Variants in FBH1 observed in about 807,000 individuals in gnomAD.
The protein encoded by FBH1 is F-box DNA helicase 1, also known as DNA 3'-5' helicase 1.
Under a neutral mutation model 115.5 loss-of-function variants are expected in FBH1, and 43 were observed. The observed-to-expected ratio is 0.37, with a 90% CI of 0.29 to 0.48. The LOEUF is 0.48. Ranked by LOEUF, FBH1 falls within the 20% of genes least tolerant of loss-of-function variation. The pLI, the probability that FBH1 is intolerant of heterozygous loss-of-function variation, is 0.99. For missense variants in FBH1, 1,001 were observed against 1,337.3 expected (o/e 0.75, Z 3.92); for synonymous variants, 524 against 507.8 (o/e 1.03, Z -0.43).
rs1832027564 is a variant in FBH1, at chr10:5,917,323, C to T, written c.1789-97C>T. On this transcript the variant is annotated intron_variant, in intron 10 of 20. Transcript: ENST00000362091. The surrounding 1 kb of genome is among the most constrained non-coding windows in gnomAD (Gnocchi z 5.6). ...GCGGTCCCCCTTCTGTGAGGATGCC[C>T]TGGCTCCACTGCTGTATGGGAGTTG... The T allele has an allele frequency of 1.0e-6, 1 of 991,030 alleles. No individual in the cohort carries two copies. The highest frequency in any genetic ancestry group is 1.6e-5 in the African/African-American group (1 of 63,272). The allele number at this position is 991,030 out of a possible 1,614,324, so 61.4% of individuals were successfully genotyped here.
rs1832442833 is a variant in FBH1, at chr10:5,923,658, T to C, written c.2360T>C (p.Ile787Thr). 1.2e-6 allele frequency: 2 copies of C among 1,614,164 alleles called. No homozygotes were observed. The highest frequency in any genetic ancestry group is 2.2e-5 in the East Asian group (1 of 44,882). ...TTTGGATTGGACAGAATCATTGATATTTGGATCCTTCTTCAGCCAGAGGAA... is the reference window on the plus strand; with the variant it reads ...TTTGGATTGGACAGAATCATTGATACTTGGATCCTTCTTCAGCCAGAGGAA... ...KSFGLDRIIDIWILLQPEEER... is the reference protein window; with the variant it reads ...KSFGLDRIIDTWILLQPEEER... Residue 787 changes from isoleucine to threonine, a missense_variant, in exon 16 of 21, where the codon ATT (isoleucine) becomes ACT (threonine). Ile to Thr is a moderately conservative substitution (Grantham distance 89). Transcript: ENST00000362091. This position sits in a 1 kb window ranked among gnomAD's most constrained non-coding sequence, Gnocchi z 5.7.
At chr10:5,903,686 G>T (rs1843514793) in intron 2 of FBH1, among the ~76,000 whole-genome samples, 1 of 152,132 alleles carries the variant, frequency 6.6e-6, no homozygotes, top group African/African-American at 2.4e-5. Flanking sequence ...GTGGACAAGT[G>T]TGATGGAATG....
chr10:5,916,113 A>G, intron 9 of FBH1, 121 bp from the exon 10 acceptor site: 1 of 861,644 alleles, frequency 1.2e-6, no homozygotes, highest in Non-Finnish European at 1.8e-6. Context: ...TAAAACATTA[A>G]CACTCGCCTG....
intron 13 of FBH1, among the ~76,000 whole-genome samples, chr10:5,919,131 G>C (rs1832158388): frequency 6.6e-6 from 1 of 152,160 alleles, no homozygotes. Context: ...CACTCTTCTT[G>C]CTGCATTTTT....
intron 1 of FBH1, chr10:5,890,899 A>T (rs1042669685): frequency 6.6e-6 from 1 of 152,340 alleles, no homozygotes; most frequent in African/African-American, 2.4e-5. Flanking sequence ...TCCTTACCCG[A>T]TCTGATTAGG....
chr10:5,915,935 TGTAG>T lies in FBH1; in HGVS notation c.1566-298_1566-295del, dbSNP rs1007074617. Reference sequence around the variant, plus strand: ...GCACACTTGACCCAGGTCTCCTGGATGTAGAGGCATCAGGGAACTCCAAGGGTCC... The same window carrying T: ...GCACACTTGACCCAGGTCTCCTGGATAGGCATCAGGGAACTCCAAGGGTCC... On this transcript the variant is annotated intron_variant, in intron 9 of 20. Coordinates refer to ENST00000362091, the MANE Select transcript of FBH1 (RefSeq NM_178150.3). The surrounding 1 kb of genome is among the most constrained non-coding windows in gnomAD (Gnocchi z 5.2). 4 of 472,612 alleles carry T rather than the reference TGTAG, an allele frequency of 8.5e-6. No individual in the cohort carries two copies. The highest frequency in any genetic ancestry group is 1.1e-5 in the Non-Finnish European group (3 of 261,566). 29.3% of individuals were successfully genotyped at this position (472,612 alleles called of 1,614,324 possible). A position where few individuals can be genotyped will look rare whatever the true frequency, so the allele number is the denominator to read the frequency against.
Position 5,906,537 on chromosome 10 carries a change from CTGAGGCACG to C in FBH1, c.661_669del (p.Arg221_Val223del). 1 of 1,614,126 alleles carries C rather than the reference CTGAGGCACG, an allele frequency of 6.2e-7. No individual in the cohort carries two copies. The highest frequency in any genetic ancestry group is 8.5e-7 in the Non-Finnish European group (1 of 1,180,028). On this transcript the variant is annotated inframe_deletion, in exon 3 of 21. Transcript: ENST00000362091. The surrounding 1 kb of genome is among the most constrained non-coding windows in gnomAD (Gnocchi z 7.3). ...CATTTGCAGCCTGCCTAGTGAGGTC[CTGAGGCACG>C]TGTTTGCCTTCCTCCCGGTGGAAGA...
chr10:5,915,687 G>A lies in FBH1; in HGVS notation c.1565+116G>A. 4.5e-6 allele frequency: 4 copies of A among 880,648 alleles called. No individual in the cohort carries two copies. Among genetic ancestry groups the A allele is most frequent in the Admixed American group, 2.5e-5 (1 of 40,544 alleles). The allele number at this position is 880,648 out of a possible 1,614,324, so 54.6% of individuals were successfully genotyped here. Reference sequence around the variant, plus strand: ...CAGTGACCCCGAGGAGTGTAGTGCTGTTATCTCCACTTACAGGCAGGAAAC... The same window carrying A: ...CAGTGACCCCGAGGAGTGTAGTGCTATTATCTCCACTTACAGGCAGGAAAC... On this transcript the variant is annotated intron_variant, in intron 9 of 20. Transcript: ENST00000362091. The surrounding 1 kb of genome is among the most constrained non-coding windows in gnomAD (Gnocchi z 5.2).
Position 5,906,349 on chromosome 10 carries a change from C to G in FBH1, c.470C>G (p.Thr157Arg). The change falls in exon 3 of 21, where the codon ACA becomes AGA. Residue 157 changes from threonine to arginine, a missense_variant. Coordinates refer to ENST00000362091, the MANE Select transcript of FBH1 (RefSeq NM_178150.3). This position sits in a 1 kb window ranked among gnomAD's most constrained non-coding sequence, Gnocchi z 7.3. Reference protein sequence around the residue: ...APRHHLSVPCTRPREARQEAE... With the variant: ...APRHHLSVPCRRPREARQEAE... ...CGGCACCATTTGTCTGTGCCATGCA[C>G]AAGGCCTAGGGAGGCCAGGCAAGAA... is the stretch of plus-strand genomic sequence containing the variant. The G allele has an allele frequency of 6.2e-7, 1 of 1,614,230 alleles. No individual in the cohort carries two copies. The highest frequency in any genetic ancestry group is 8.5e-7 in the Non-Finnish European group (1 of 1,180,034).
intron 1 of FBH1, among the ~76,000 whole-genome samples, chr10:5,892,446 C>G (rs1431289953): frequency 1.3e-5 from 2 of 152,118 alleles, no homozygotes; most frequent in African/African-American, 2.4e-5. Flanking sequence ...TCTATCCCTC[C>G]TAGGCTGATT....
At position 5,916,493 on chromosome 10, in the gene FBH1, G is replaced by A. The variant is rs757497273; in HGVS notation, c.1788+37G>A. 17 of 1,602,884 alleles carry A rather than the reference G, an allele frequency of 1.1e-5. No homozygotes were observed. The South Asian group carries it at 1.2e-4, about 11-fold the overall frequency. On this transcript the variant is annotated intron_variant, in intron 10 of 20. Transcript: ENST00000362091. ...AGTGTCTGAAGTGTTAGGGATCTGAGGATGGGGGAACAGGGGAAGTGTTAG... is the reference window on the plus strand; with the variant it reads ...AGTGTCTGAAGTGTTAGGGATCTGAAGATGGGGGAACAGGGGAAGTGTTAG...
chr10:5,924,166 G>A lies in FBH1; in HGVS notation c.2399-145G>A. ...TGACTTGCCCAGGGACACACAGCGA[G>A]TTAGTGATGCAGTCAGGCCTGGAAC... On this transcript the variant is annotated intron_variant, in intron 16 of 20. Transcript: ENST00000362091. This position sits in a 1 kb window ranked among gnomAD's most constrained non-coding sequence, Gnocchi z 6.2. The A allele has an allele frequency of 1.4e-6, 1 of 705,216 alleles. No homozygotes were observed. The highest frequency in any genetic ancestry group is 2.4e-5 in the Admixed American group (1 of 41,656). 43.7% of individuals were successfully genotyped at this position (705,216 alleles called of 1,614,324 possible). A position where few individuals can be genotyped will look rare whatever the true frequency, so the allele number is the denominator to read the frequency against.
rs772859182 is a variant in FBH1 at position 5,937,189 on chromosome 10, C to G, written c.3041C>G (p.Thr1014Arg). ...EQRIGPLAFL[T>R]ASPEQVRAME... The stretch of plus-strand genomic sequence containing the variant: ...CGCATCGGGCCCCTGGCGTTCCTGA[C>G]AGCCTCCCCGGAGCAGGTGCGCGCC... Residue 1014 changes from threonine (T) to arginine (R), a missense_variant, in exon 21 of 21, where the codon ACA (threonine) becomes AGA (arginine). By Grantham distance (71) the Thr-to-Arg change is moderately conservative. Coordinates refer to ENST00000362091, the MANE Select transcript of FBH1 (RefSeq NM_178150.3). 6.2e-7 allele frequency: 1 copy of G among 1,614,080 alleles called. No individual in the cohort carries two copies. The highest frequency in any genetic ancestry group is 1.1e-5 in the South Asian group (1 of 91,030).
At chr10:5,926,107 ATTCTTATTCTTC>A (rs1832634180) in intron 18 of FBH1, among the ~76,000 whole-genome samples, 1 of 124,736 alleles carries the variant, frequency 8.0e-6, no homozygotes, top group South Asian at 2.8e-4. Flanking sequence ...TATTATTCTT[ATTCTTATTCTTC>A]TTATTATTAT....
rs913168939 is a variant in FBH1, at chr10:5,935,249, G to A, written c.2830-1207G>A. 3.3e-5 allele frequency: 5 copies of A among 152,186 alleles called. No homozygotes were observed. Among genetic ancestry groups the A allele is most frequent in the Non-Finnish European group, 7.3e-5 (5 of 68,040 alleles). 9.4% of individuals were successfully genotyped at this position (152,186 alleles called of 1,614,324 possible). A position where few individuals can be genotyped will look rare whatever the true frequency, so the allele number is the denominator to read the frequency against. On this transcript the variant is annotated intron_variant, in intron 19 of 20. Transcript: ENST00000362091. The surrounding 1 kb of genome is among the most constrained non-coding windows in gnomAD (Gnocchi z 5.2). ...CAGGATGTTCATTGCTGCATTGTTG[G>A]AAATAGTTTGGAAACAACCGAGTAA...
In FBH1 at chr10:5,913,978, G is replaced by C. The variant is rs1831770507; in HGVS notation, c.1304+139G>C. 8 of 824,526 alleles carry C rather than the reference G, an allele frequency of 9.7e-6. No homozygotes were observed. The South Asian group carries it at 1.1e-4, about 11-fold the overall frequency. The allele number at this position is 824,526 out of a possible 1,614,324, so 51.1% of individuals were successfully genotyped here. A position where few individuals can be genotyped will look rare whatever the true frequency, so the allele number is the denominator to read the frequency against. ...ATTGTGTAAAACTCACCCATCCTAA[G>C]AGTGTGATTCAGTGACATTGCCTGA... On this transcript the variant is annotated intron_variant, in intron 7 of 20. Transcript: ENST00000362091. The surrounding 1 kb of genome is among the most constrained non-coding windows in gnomAD (Gnocchi z 4.4).
intron 2 of FBH1, among the ~76,000 whole-genome samples, chr10:5,905,480 T>C (rs1843636330): frequency 6.6e-6 from 1 of 152,140 alleles, no homozygotes; most frequent in Non-Finnish European, 1.5e-5. Flanking sequence ...ATCACACCAC[T>C]GCACTCCAGC....
At position 5,921,239 on chromosome 10, in the gene FBH1, T is replaced by C; in HGVS notation, c.2101-19T>C. The stretch of plus-strand genomic sequence containing the variant: ...ACCACAGGGCGGGCTGCTGACTCCC[T>C]CTGTCTTGTTGTTTTCAGAGTTTTC... On this transcript the variant is annotated intron_variant, in intron 13 of 20. Transcript: ENST00000362091. This position sits in a 1 kb window ranked among gnomAD's most constrained non-coding sequence, Gnocchi z 6.4. 1 of 1,612,776 alleles carries C rather than the reference T, an allele frequency of 6.2e-7. No homozygotes were observed. The highest frequency in any genetic ancestry group is 8.5e-7 in the Non-Finnish European group (1 of 1,178,890).
intron 13 of FBH1, among the ~76,000 whole-genome samples, chr10:5,920,117 C>T (rs1443373991): frequency 6.6e-6 from 1 of 152,224 alleles, no homozygotes; most frequent in Admixed American, 6.5e-5. Context: ...GACAGTTGCT[C>T]AGACTTTCCC....
Sources: gnomAD v4.1 joint callset for allele counts (sites outside exome capture counted in the v4.1 genomes callset) on GRCh38, gnomAD v4.1.1 for gene constraint, Gnocchi (gnomAD v3.1) non-coding constraint, MANE v1.5 for transcripts, NCBI Gene and HGNC (gene_info 2026-07-23, HGNC 2026-07-21) for gene names.